The following CSMD1 variants were observed in gnomAD, a reference collection of about 807,000 sequenced individuals.
The protein encoded by CSMD1 is CUB and sushi domain-containing protein 1.
CSMD1 carries 213 observed loss-of-function variants against 417.5 expected under a neutral mutation model. The ratio of observed to expected loss-of-function variants is 0.51; its 90% CI spans 0.46 to 0.57. The LOEUF (loss-of-function observed/expected upper bound fraction) is 0.57, where lower values mean the gene tolerates loss of function less well. CSMD1 is among the 20% of genes least tolerant of loss of function. The probability of loss-of-function intolerance (pLI) is 0.00; values close to 1 mark genes in which losing one functional copy is unlikely to be tolerated. For missense variants in CSMD1, 6,923 were observed against 4,529.7 expected, an observed-to-expected ratio of 1.53 and a Z score of -15.17; for synonymous variants, 2,862 against 1,736.8, an observed-to-expected ratio of 1.65 and a Z score of -16.11.
intron 5 of CSMD1, among the ~76,000 whole-genome samples, chr8:3,972,148 G>A (rs1017455839): frequency 1.3e-5 from 2 of 152,094 alleles, no homozygotes; most frequent in African/African-American, 2.4e-5. Flanking sequence ...TGGGATGACA[G>A]GTTGAACCCC....
chr8:4,901,256 C>A (rs1369688815), intron 1 of CSMD1, among the ~76,000 whole-genome samples: 4 of 152,120 alleles, frequency 2.6e-5, no homozygotes, highest in African/African-American at 9.7e-5. Context: ...GTCTTTTTAA[C>A]CTCTAGAAAA....
At chr8:3,787,512 C>T (rs1414601663) in intron 5 of CSMD1, among the ~76,000 whole-genome samples, 1 of 152,016 alleles carries the variant, frequency 6.6e-6, no homozygotes, top group Non-Finnish European at 1.5e-5. Flanking sequence ...TCAGAAGAAC[C>T]TAACAGCAAT....
chr8:3,266,022 T>C (rs1298005135), intron 26 of CSMD1, among the ~76,000 whole-genome samples: 1 of 151,922 alleles, frequency 6.6e-6, no homozygotes, highest in African/African-American at 2.4e-5. Flanking sequence ...TACAGGTTCA[T>C]GAGGTAGACA....
intron 3 of CSMD1, among the ~76,000 whole-genome samples, chr8:4,301,503 G>A (rs1006325262): frequency 6.6e-6 from 1 of 152,142 alleles, no homozygotes; most frequent in African/African-American, 2.4e-5. Context: ...GATCTCTATT[G>A]AAAGCTCTAC....
At chr8:4,582,375 T>G (rs551292025) in intron 2 of CSMD1, among the ~76,000 whole-genome samples, 1 of 152,300 alleles carries the variant, frequency 6.6e-6, no homozygotes, top group South Asian at 2.1e-4. Flanking sequence ...CATAATTGTT[T>G]TGAGGACAAA....
chr8:4,900,616 C>T (rs543634513), intron 1 of CSMD1, among the ~76,000 whole-genome samples: 3 of 152,154 alleles, frequency 2.0e-5, no homozygotes, highest in Admixed American at 6.5e-5. Flanking sequence ...GTTCCAGATT[C>T]GTGCCCCTAG....
chr8:3,903,420 T>G (rs1378054110), intron 5 of CSMD1, among the ~76,000 whole-genome samples: 2 of 152,204 alleles, frequency 1.3e-5, no homozygotes, highest in Admixed American at 1.3e-4. Context: ...AGCATTAATA[T>G]TAATGTGATA....
At chr8:4,894,502 G>C (rs893685057) in intron 1 of CSMD1, among the ~76,000 whole-genome samples, 1 of 149,868 alleles carries the variant, frequency 6.7e-6, no homozygotes, top group African/African-American at 2.5e-5. Flanking sequence ...GCAGTGAGCC[G>C]AGATCGCACC....
intron 3 of CSMD1, among the ~76,000 whole-genome samples, chr8:4,040,162 T>C (rs1005553251): frequency 6.6e-6 from 1 of 152,200 alleles, no homozygotes; most frequent in African/African-American, 2.4e-5. Flanking sequence ...ATTAATGAAA[T>C]GCTAGCATAG....
At chr8:4,548,736 A>G (rs1797737860) in intron 2 of CSMD1, among the ~76,000 whole-genome samples, 1 of 152,146 alleles carries the variant, frequency 6.6e-6, no homozygotes, top group South Asian at 2.1e-4. Context: ...CAAGGTAATT[A>G]CAGAACCGCT....
At chr8:4,149,862 G>A (rs977829151) in intron 3 of CSMD1, among the ~76,000 whole-genome samples, 1 of 152,192 alleles carries the variant, frequency 6.6e-6, no homozygotes. Flanking sequence ...AATGCATAAT[G>A]ATTATTTGTA....
chr8:4,702,649 C>G (rs899517928), intron 1 of CSMD1, among the ~76,000 whole-genome samples: 3 of 152,122 alleles, frequency 2.0e-5, no homozygotes, highest in East Asian at 1.9e-4. Context: ...CACAAATAAA[C>G]GTTTCCAAGA....
intron 1 of CSMD1, among the ~76,000 whole-genome samples, chr8:4,917,908 G>A (rs909856524): frequency 1.3e-5 from 2 of 152,186 alleles, no homozygotes; most frequent in Non-Finnish European, 2.9e-5. Context: ...ACAGGTCACT[G>A]CTCTTAAGGC....
chr8:3,716,298 G>A (rs1801828430), intron 6 of CSMD1, among the ~76,000 whole-genome samples: 1 of 152,180 alleles, frequency 6.6e-6, no homozygotes, highest in South Asian at 2.1e-4. Flanking sequence ...GGAGTCCACA[G>A]ACTAAAGTGA....
chr8:4,017,066 G>A (rs974836853), intron 4 of CSMD1, among the ~76,000 whole-genome samples: 6 of 152,170 alleles, frequency 3.9e-5, no homozygotes, highest in Non-Finnish European at 5.9e-5. Context: ...TCATCCGGAG[G>A]CAAGACTTCA....
At chr8:3,606,566 A>G (rs1801624958) in intron 8 of CSMD1, among the ~76,000 whole-genome samples, 1 of 152,090 alleles carries the variant, frequency 6.6e-6, no homozygotes, top group African/African-American at 2.4e-5. Context: ...GTAAGTGGTG[A>G]GTGAATGTGA....
intron 3 of CSMD1, among the ~76,000 whole-genome samples, chr8:4,133,379 T>C (rs1260084731): frequency 3.9e-5 from 6 of 152,226 alleles, no homozygotes; most frequent in African/African-American, 9.6e-5. Context: ...AAGTGACACT[T>C]TATAACATAT....
chr8:3,272,735 C>G (rs1801960921), intron 26 of CSMD1, among the ~76,000 whole-genome samples: 1 of 146,218 alleles, frequency 6.8e-6, no homozygotes, highest in East Asian at 2.0e-4. Flanking sequence ...CTCTGTTTGT[C>G]TGTTGTTGGT....
intron 23 of CSMD1, among the ~76,000 whole-genome samples, chr8:3,321,013 G>A (rs1207216492): frequency 6.6e-6 from 1 of 152,078 alleles, no homozygotes; most frequent in African/African-American, 2.4e-5. Context: ...CCCCAAAAAT[G>A]GCCTCGCTTT....
Sources: allele counts gnomAD v4.1 joint callset (sites outside exome capture counted in the v4.1 genomes callset), GRCh38; gene constraint gnomAD v4.1.1; transcripts MANE v1.5; gene names NCBI Gene and HGNC (gene_info 2026-07-23, HGNC 2026-07-21).